The following QRSL1 variants were observed in gnomAD, a reference collection of about 807,000 sequenced individuals.
The protein encoded by QRSL1 is glutamyl-tRNA(Gln) amidotransferase subunit A, mitochondrial.
Under a neutral mutation model 61.6 loss-of-function variants are expected in QRSL1, and 54 were observed. The observed-to-expected ratio is 0.88, with a 90% CI of 0.70 to 1.10. The LOEUF (loss-of-function observed/expected upper bound fraction) is 1.10. Ranked by LOEUF, QRSL1 falls within the 50% of genes least tolerant of loss-of-function variation. The probability of loss-of-function intolerance (pLI) is 0.00; values close to 1 mark genes in which losing one functional copy is unlikely to be tolerated. For missense variants in QRSL1, 505 were observed against 622.6 expected, an observed-to-expected ratio of 0.81 and a Z score of 2.01; for synonymous variants, 228 against 225.7, an observed-to-expected ratio of 1.01 and a Z score of -0.09.
rs186041889 is a variant in QRSL1, at chr6:106,631,247, A to G, written c.24+1542A>G. Among the ~76,000 whole-genome samples the G allele has an allele frequency of 1.9e-3, 284 of 152,306 alleles. 2 individuals carry two copies. Among genetic ancestry groups the G allele is most frequent in the African/African-American group, 6.5e-3 (272 of 41,560 alleles). On this transcript the variant is annotated intron_variant, in intron 1 of 10. Transcript: ENST00000369046. ...TCTCAAAAAATAAATAAATAAAATA[A>G]AAATAAATAAACAGACAACACCCAA...
At position 106,652,371 on chromosome 6, in the gene QRSL1, A is replaced by G; in HGVS notation, c.720A>G (p.Ala240=). The part of the protein sequence containing the change: ...PGILTRCVDD[A]AIVLGALAGP... ...TCTTAACCAGATGTGTGGATGATGC[A>G]GCAATTGTGTTGGGTATTTATATAA... Residue 240 remains alanine (A), a synonymous_variant, in exon 6 of 11, where the codon GCA becomes GCG. Coordinates refer to ENST00000369046, the MANE Select transcript of QRSL1 (RefSeq NM_018292.5). 6.2e-7 allele frequency: 1 copy of G among 1,614,188 alleles called. No individual in the cohort carries two copies. The highest frequency in any genetic ancestry group is 8.5e-7 in the Non-Finnish European group (1 of 1,180,024).
chr6:106,645,380 A>T (rs534927791), intron 4 of QRSL1, among the ~76,000 whole-genome samples: 6 of 152,038 alleles, frequency 3.9e-5, no homozygotes, highest in Admixed American at 1.3e-4. Context: ...TTTCCTGCAT[A>T]TAAATTGTAC....
chr6:106,646,439 G>A (rs1777105699), intron 4 of QRSL1, among the ~76,000 whole-genome samples: 1 of 151,898 alleles, frequency 6.6e-6, no homozygotes, highest in African/African-American at 2.4e-5. Flanking sequence ...AACAAAAAAA[G>A]GGCTGTGAAA....
rs530187248 is a variant in QRSL1, at chr6:106,648,901, A to G, written c.381-124A>G. 84 of 951,866 alleles carry G rather than the reference A, an allele frequency of 8.8e-5. No individual in the cohort carries two copies. In the South Asian group the frequency reaches 1.3e-3, roughly 15 times the overall value. The allele number at this position is 951,866 out of a possible 1,614,324, so 59.0% of individuals were successfully genotyped here. Reference sequence around the variant, plus strand: ...CTGAACAGGCTTCCCACCTTTTTCAATTCAAGCTACAGTGGGTTCTTAAAT... The same window carrying G: ...CTGAACAGGCTTCCCACCTTTTTCAGTTCAAGCTACAGTGGGTTCTTAAAT... On this transcript the variant is annotated intron_variant, in intron 4 of 10. Transcript: ENST00000369046.
intron 9 of QRSL1, among the ~76,000 whole-genome samples, chr6:106,660,145 G>A (rs1212362540): frequency 1.3e-5 from 2 of 151,722 alleles, no homozygotes; most frequent in East Asian, 3.9e-4. Flanking sequence ...AATGAGGCCT[G>A]AAAACTGCCC....
intron 7 of QRSL1, among the ~76,000 whole-genome samples, chr6:106,654,491 T>C (rs1777237105): frequency 6.6e-6 from 1 of 152,234 alleles, no homozygotes; most frequent in Admixed American, 6.5e-5. Context: ...AGATCTCCAA[T>C]CTTTAATGTT....
At chr6:106,650,581 T>C (rs953182651) in intron 5 of QRSL1, among the ~76,000 whole-genome samples, 5 of 151,440 alleles carry the variant, frequency 3.3e-5, no homozygotes, top group African/African-American at 1.2e-4. Flanking sequence ...TTTGTTTCTT[T>C]TACAATAGCT....
intron 1 of QRSL1, among the ~76,000 whole-genome samples, chr6:106,635,786 G>A (rs1776910520): frequency 1.3e-5 from 2 of 151,546 alleles, no homozygotes; most frequent in South Asian, 2.1e-4. Flanking sequence ...CAGGAGAATC[G>A]CTTGAACCCG....
At chr6:106,647,682 G>A (rs1178101366) in intron 4 of QRSL1, among the ~76,000 whole-genome samples, 3 of 98,974 alleles carry the variant, frequency 3.0e-5, no homozygotes, top group Non-Finnish European at 5.5e-5. Flanking sequence ...ATGGAGTCTC[G>A]CTCTGTCACC....
At chr6:106,635,785 C>T (rs975843910) in intron 1 of QRSL1, among the ~76,000 whole-genome samples, 1 of 151,722 alleles carries the variant, frequency 6.6e-6, no homozygotes, top group Non-Finnish European at 1.5e-5. Flanking sequence ...GCAGGAGAAT[C>T]GCTTGAACCC....
At position 106,652,496 on chromosome 6, in the gene QRSL1, T is replaced by G. The variant is rs991490206; in HGVS notation, c.763T>G (p.Ser255Ala). Residue 255 changes from serine to alanine, a missense_variant, in exon 7 of 11, where the codon TCT (serine) becomes GCT (alanine). Transcript: ENST00000369046. ...ACTGGCCGGACCTGACCCCAGGGAC[T>G]CTACCACAGTACATGAACCTATTAA... The part of the protein sequence containing the change: ...GALAGPDPRD[S>A]TTVHEPINKP... The G allele has an allele frequency of 1.2e-6, 2 of 1,614,150 alleles. No homozygotes were observed. Among genetic ancestry groups the G allele is most frequent in the African/African-American group, 2.7e-5 (2 of 74,950 alleles).
Position 106,642,984 on chromosome 6 carries a change from T to C in QRSL1, c.284-10T>C. ...TGTAAAAAAAATAATAGTAACTAAATTTTTTTCAGGTTATATACCACCTTA... is the reference window on the plus strand; with the variant it reads ...TGTAAAAAAAATAATAGTAACTAAACTTTTTTCAGGTTATATACCACCTTA... On this transcript the variant is annotated splice_polypyrimidine_tract_variant and intron_variant, in intron 3 of 10. Transcript: ENST00000369046. The C allele has an allele frequency of 1.3e-6, 2 of 1,571,800 alleles. No homozygotes were observed. Among genetic ancestry groups the C allele is most frequent in the South Asian group, 1.2e-5 (1 of 86,160 alleles).
rs2114721425 is a variant in QRSL1, at chr6:106,666,162, A to C, written c.*160A>C. 3.2e-6 allele frequency: 2 copies of C among 622,576 alleles called. No individual in the cohort carries two copies. Among genetic ancestry groups the C allele is most frequent in the Non-Finnish European group, 5.5e-6 (2 of 361,638 alleles). 38.6% of individuals were successfully genotyped at this position (622,576 alleles called of 1,614,324 possible). ...CCCCGTCTCTACTAAAAATACAAAA[A>C]TTAGCCAGGCTTAGTGGCGGGCATC... On this transcript the variant is annotated 3_prime_UTR_variant, in exon 11 of 11. Coordinates refer to ENST00000369046, the MANE Select transcript of QRSL1 (RefSeq NM_018292.5).
At chr6:106,663,673 A>C (rs974284691) in intron 10 of QRSL1, among the ~76,000 whole-genome samples, 1 of 152,222 alleles carries the variant, frequency 6.6e-6, no homozygotes, top group Non-Finnish European at 1.5e-5. Context: ...GTTGCCTTCC[A>C]CTAGGCCCCA....
chr6:106,648,512 C>G (rs1221318681), intron 4 of QRSL1, among the ~76,000 whole-genome samples: 2 of 152,088 alleles, frequency 1.3e-5, no homozygotes, highest in African/African-American at 4.8e-5. Context: ...ACACAGAGCA[C>G]ACAAGTAGTA....
intron 4 of QRSL1, among the ~76,000 whole-genome samples, chr6:106,644,820 A>G (rs1309498304): frequency 5.9e-5 from 9 of 152,200 alleles, no homozygotes; most frequent in Non-Finnish European, 1.3e-4. Flanking sequence ...TGCCTGGCCA[A>G]GAAATCTTTA....
At chr6:106,631,505 G>C (rs1055632316) in intron 1 of QRSL1, among the ~76,000 whole-genome samples, 7 of 152,154 alleles carry the variant, frequency 4.6e-5, no homozygotes, top group Non-Finnish European at 8.8e-5. Context: ...TTTTGAATCA[G>C]TTATCCTTGG....
chr6:106,654,248 G>C (rs1035397825), intron 7 of QRSL1, among the ~76,000 whole-genome samples: 7 of 152,220 alleles, frequency 4.6e-5, no homozygotes, highest in African/African-American at 1.7e-4. Flanking sequence ...TACTCGGAAG[G>C]CTAAGGCAGG....
At chr6:106,649,721 T>C (rs1777165740) in intron 5 of QRSL1, among the ~76,000 whole-genome samples, 1 of 152,218 alleles carries the variant, frequency 6.6e-6, no homozygotes, top group African/African-American at 2.4e-5. Context: ...CATCAGTAAG[T>C]AAAGTTTTTT....
Sources: gnomAD v4.1 joint callset for allele counts (sites outside exome capture counted in the v4.1 genomes callset) on GRCh38, gnomAD v4.1.1 for gene constraint, MANE v1.5 for transcripts, NCBI Gene and HGNC (gene_info 2026-07-23, HGNC 2026-07-21) for gene names.